The following SLC9D1 variants were observed in gnomAD, a reference collection of about 807,000 sequenced individuals.
SLC9D1 encodes the protein putative LAG1-interacting protein.
chr13:113,493,853 G>A, the SLC9D1 span, among the ~76,000 whole-genome samples: 1 of 152,190 alleles, frequency 6.6e-6, no homozygotes, highest in Admixed American at 6.5e-5. Flanking sequence ...CAGTCGCTGA[G>A]CCTTCACCGA....
At chr13:113,540,955 G>C in the SLC9D1 span, among the ~76,000 whole-genome samples, 2 of 152,198 alleles carry the variant, frequency 1.3e-5, no homozygotes, top group Non-Finnish European at 2.9e-5. Flanking sequence ...TCCCAGCACT[G>C]TTTGTTGAGT....
the SLC9D1 span, among the ~76,000 whole-genome samples, chr13:113,492,914 CAAAA>C: frequency 1.3e-5 from 2 of 151,398 alleles, no homozygotes; most frequent in African/African-American, 4.9e-5. Context: ...GCAACAACAA[CAAAA>C]AAAACACATT....
chr13:113,518,285 A>C, the SLC9D1 span, among the ~76,000 whole-genome samples: 3,583 of 152,194 alleles, frequency 0.024, 91 homozygotes, highest in East Asian at 0.11. Context: ...CCTCGTGAGC[A>C]GTGTTTCCTG....
At chr13:113,493,270 G>T in the SLC9D1 span, among the ~76,000 whole-genome samples, 9 of 152,216 alleles carry the variant, frequency 5.9e-5, no homozygotes, top group African/African-American at 2.2e-4. Flanking sequence ...TCACACATGA[G>T]CTGTGTTGAA....
At chr13:113,510,734 TGGTGGATTTTA>T in the SLC9D1 span, among the ~76,000 whole-genome samples, 1 of 152,238 alleles carries the variant, frequency 6.6e-6, no homozygotes. Context: ...CCTGTGGAAC[TGGTGGATTTTA>T]GGAAGTTGCG....
the SLC9D1 span, chr13:113,524,263 G>A: frequency 2.3e-6 from 1 of 430,164 alleles, no homozygotes; most frequent in African/African-American, 2.1e-5. Context: ...ATGTATTTTG[G>A]GGCTCTTTTG....
chr13:113,497,320 A>G, the SLC9D1 span, among the ~76,000 whole-genome samples: 1 of 150,142 alleles, frequency 6.7e-6, no homozygotes, highest in African/African-American at 2.5e-5. Flanking sequence ...GCTGTGTGCA[A>G]GACCTGCAGC....
At chr13:113,541,153 A>G in the SLC9D1 span, among the ~76,000 whole-genome samples, 1 of 152,196 alleles carries the variant, frequency 6.6e-6, no homozygotes, top group African/African-American at 2.4e-5. Context: ...CGGTGCCTCC[A>G]GCTTTGTTCC....
At chr13:113,523,136 CTT>C in the SLC9D1 span, among the ~76,000 whole-genome samples, 27,769 of 148,634 alleles carry the variant, frequency 0.19, 3,355 homozygotes, top group African/African-American at 0.35. Flanking sequence ...TTTTGATACT[CTT>C]TGGGTTTTGG....
the SLC9D1 span, chr13:113,549,816 T>G: frequency 3.5e-3 from 1,984 of 574,996 alleles, 39 homozygotes; most frequent in African/African-American, 0.035. Flanking sequence ...GATGTGCCTT[T>G]TTTTTTTTTC....
chr13:113,510,486 A>G, the SLC9D1 span: 12 of 1,526,126 alleles, frequency 7.9e-6, no homozygotes, highest in Non-Finnish European at 1.1e-5. Flanking sequence ...TGACTTTTGG[A>G]TTCACAGTTG....
the SLC9D1 span, among the ~76,000 whole-genome samples, chr13:113,533,255 TCCC>T: frequency 3.2e-5 from 2 of 62,784 alleles, no homozygotes; most frequent in Non-Finnish European, 5.6e-5. Flanking sequence ...CTTCATTCCA[TCCC>T]TTCATTCCAT....
At chr13:113,492,366 A>G in the SLC9D1 span, among the ~76,000 whole-genome samples, 1 of 152,210 alleles carries the variant, frequency 6.6e-6, no homozygotes, top group Admixed American at 6.5e-5. Context: ...TGTAAGGAGT[A>G]ATACAGAGAA....
the SLC9D1 span, among the ~76,000 whole-genome samples, chr13:113,538,843 G>A: frequency 2.0e-5 from 3 of 152,198 alleles, no homozygotes; most frequent in Non-Finnish European, 2.9e-5. Flanking sequence ...CCCGTGTCGC[G>A]GCCGTCCGGC....
the SLC9D1 span, chr13:113,530,208 G>A: frequency 6.6e-6 from 1 of 152,230 alleles, no homozygotes; most frequent in Non-Finnish European, 1.5e-5. Flanking sequence ...GGGTGGGGAG[G>A]TTGGGGGAGA....
At chr13:113,537,433 G>A in the SLC9D1 span, among the ~76,000 whole-genome samples, 6 of 152,200 alleles carry the variant, frequency 3.9e-5, no homozygotes, top group South Asian at 2.1e-4. Context: ...TTAGCACCAC[G>A]TCCTCCAGGC....
At chr13:113,502,309 G>A in the SLC9D1 span, among the ~76,000 whole-genome samples, 1 of 152,158 alleles carries the variant, frequency 6.6e-6, no homozygotes, top group Non-Finnish European at 1.5e-5. Flanking sequence ...CGCCTCCCGG[G>A]TTCACATGAT....
At chr13:113,536,653 C>T in the SLC9D1 span, 2 of 845,102 alleles carry the variant, frequency 2.4e-6, no homozygotes, top group African/African-American at 1.8e-5. Flanking sequence ...TCTGGGCAGC[C>T]CTCACCGTGC....
chr13:113,534,144 C>A, the SLC9D1 span: 1 of 1,612,464 alleles, frequency 6.2e-7, no homozygotes, highest in African/African-American at 1.3e-5. Context: ...AGAAGTATCT[C>A]ATTGGACCCT....
Sources: allele counts gnomAD v4.1 joint callset (sites outside exome capture counted in the v4.1 genomes callset), GRCh38; gene constraint gnomAD v4.1.1; transcripts MANE v1.5; gene names NCBI Gene and HGNC (gene_info 2026-07-23, HGNC 2026-07-21).